KLHL8: variants seen among roughly 807,000 people sequenced by gnomAD.
KLHL8 encodes the protein kelch like family member 8.
In KLHL8, 38 loss-of-function variants were observed where a neutral mutation model predicts 63.5. That is an observed-to-expected ratio of 0.60 (90% CI 0.46 to 0.78). The LOEUF is 0.78. Ranked by LOEUF, KLHL8 falls within the 30% of genes least tolerant of loss-of-function variation. The pLI, the probability that KLHL8 is intolerant of heterozygous loss-of-function variation, is 0.00. For synonymous variants in KLHL8, 224 were observed against 254.3 expected, an observed-to-expected ratio of 0.88 and a Z score of 1.13; for missense variants, 566 against 752.4, an observed-to-expected ratio of 0.75 and a Z score of 2.90.
upstream of KLHL8, among the ~76,000 whole-genome samples, chr4:87,222,178 A>G (rs1440794634): frequency 1.3e-5 from 2 of 152,192 alleles, no homozygotes; most frequent in Non-Finnish European, 2.9e-5. Flanking sequence ...CTTAACTCAT[A>G]TTGGAGGAAG....
Position 87,195,529 on chromosome 4 carries a change from T to G in KLHL8, c.11A>C (p.Asp4Ala). MASDSMSSKQARNH... is the reference protein window; with the variant it reads MASASMSSKQARNH... Reference sequence around the variant, plus strand: ...CCTAGCTTGTTTACTACTCATAGAATCTGAAGCCATTTGCAATATTCCTCT... The same window carrying G: ...CCTAGCTTGTTTACTACTCATAGAAGCTGAAGCCATTTGCAATATTCCTCT... The change falls in exon 2 of 10, where the codon GAT (aspartate) becomes GCT (alanine). Residue 4 changes from aspartate to alanine, a missense_variant. Physicochemically the swap from Asp to Ala is moderately radical, Grantham distance 126. Transcript: ENST00000273963. 1 of 1,612,628 alleles carries G rather than the reference T, an allele frequency of 6.2e-7. No individual in the cohort carries two copies. Among genetic ancestry groups the G allele is most frequent in the African/African-American group, 1.3e-5 (1 of 74,980 alleles).
chr4:87,185,009 A>T (rs1731196479), intron 3 of KLHL8, among the ~76,000 whole-genome samples: 1 of 152,250 alleles, frequency 6.6e-6, no homozygotes, highest in African/African-American at 2.4e-5. Flanking sequence ...GGAATATTTT[A>T]AATATTCAGG....
rs567992457 is a variant in KLHL8, at chr4:87,235,120, G to A, written n.57+5138C>T. On this transcript the variant is annotated intron_variant and non_coding_transcript_variant, in intron 1 of 1. Coordinates refer to the KLHL8 transcript ENST00000506274. ...ATAAATATATTTTATTTATAGTGTA[G>A]CCTGACTGTACAGTGTTTGTAAAGT... 3.1e-4 allele frequency among the ~76,000 whole-genome samples: 47 copies of A among 152,212 alleles called. 1 individual carries two copies. In the East Asian group the frequency reaches 8.5e-3, roughly 27 times the overall value.
chr4:87,186,996 CTCA>C (rs1731286742), intron 2 of KLHL8, among the ~76,000 whole-genome samples: 1 of 151,312 alleles, frequency 6.6e-6, no homozygotes, highest in Admixed American at 6.6e-5. Context: ...ACACTGCAAT[CTCA>C]TCACCTTAAT....
At position 87,172,096 on chromosome 4, in the gene KLHL8, C is replaced by T. The variant is rs373660420; in HGVS notation, c.1209-1481G>A. On this transcript the variant is annotated intron_variant, in intron 6 of 9. Transcript: ENST00000273963. ...TATGGCAAAAGGGAGGTGACCTTGGCGGGCCTAATCTAATCAAACAAACCT... is the reference window on the plus strand; with the variant it reads ...TATGGCAAAAGGGAGGTGACCTTGGTGGGCCTAATCTAATCAAACAAACCT... 1.2e-4 allele frequency among the ~76,000 whole-genome samples: 19 copies of T among 152,188 alleles called. No homozygotes were observed. In the South Asian group the frequency reaches 1.9e-3, roughly 15 times the overall value.
intron 1 of KLHL8, among the ~76,000 whole-genome samples, chr4:87,209,269 A>G (rs1732289100): frequency 6.6e-6 from 1 of 152,198 alleles, no homozygotes; most frequent in South Asian, 2.1e-4. Flanking sequence ...TAAAAGATTA[A>G]AAGCACAAAA....
intron 1 of KLHL8, among the ~76,000 whole-genome samples, chr4:87,237,598 C>G (rs925779569): frequency 6.6e-6 from 1 of 152,128 alleles, no homozygotes; most frequent in South Asian, 2.1e-4. Flanking sequence ...GGAGGCCAAA[C>G]AGGCAGATTG....
At chr4:87,231,893 C>A (rs1467640861) in intron 1 of KLHL8, among the ~76,000 whole-genome samples, 1 of 152,182 alleles carries the variant, frequency 6.6e-6, no homozygotes, top group Non-Finnish European at 1.5e-5. Context: ...CCACCATGCC[C>A]GGTTGATTGT....
intron 1 of KLHL8, among the ~76,000 whole-genome samples, chr4:87,228,558 A>T (rs889402346): frequency 7.2e-5 from 11 of 152,228 alleles, no homozygotes; most frequent in African/African-American, 2.7e-4. Flanking sequence ...TTGCACTGGA[A>T]CAAACATGGC....
upstream of KLHL8, among the ~76,000 whole-genome samples, chr4:87,223,831 C>T (rs10015288): frequency 0.25 from 38,484 of 152,008 alleles, 5,408 homozygotes; most frequent in Non-Finnish European, 0.31. Flanking sequence ...ACAAAACACA[C>T]ATTTCCTAAA....
At chr4:87,207,612 T>A (rs539833734) in intron 1 of KLHL8, 1 of 1,228,118 alleles carries the variant, frequency 8.1e-7, no homozygotes, top group Non-Finnish European at 1.2e-6. Context: ...GACTCATGAC[T>A]ACAGTCCATG....
intron 1 of KLHL8, among the ~76,000 whole-genome samples, chr4:87,233,243 A>G (rs1281343704): frequency 1.3e-5 from 2 of 152,052 alleles, no homozygotes; most frequent in Non-Finnish European, 1.5e-5. Flanking sequence ...GGGTTTTACC[A>G]TGTTGCCCAG....
At chr4:87,167,466 A>C (rs557484352) in intron 8 of KLHL8, 66 of 509,638 alleles carry the variant, frequency 1.3e-4, no homozygotes, top group South Asian at 9.7e-4. Context: ...CCATCAAGCC[A>C]ATTTTCATAA....
intron 1 of KLHL8, among the ~76,000 whole-genome samples, chr4:87,231,914 T>A (rs1025285622): frequency 1.0e-3 from 153 of 152,318 alleles, no homozygotes; most frequent in African/African-American, 3.5e-3. Flanking sequence ...CCACTTTTAT[T>A]GTTCACACTA....
At chr4:87,228,149 G>A (rs995054386) in intron 1 of KLHL8, among the ~76,000 whole-genome samples, 20 of 152,228 alleles carry the variant, frequency 1.3e-4, no homozygotes, top group Admixed American at 1.1e-3. Context: ...TCTGCGTGTG[G>A]GACCCTCTCA....
chr4:87,180,862 G>T (rs1477702580), intron 4 of KLHL8, among the ~76,000 whole-genome samples: 1 of 151,958 alleles, frequency 6.6e-6, no homozygotes, highest in Non-Finnish European at 1.5e-5. Flanking sequence ...GGGCAATATA[G>T]TGAGACCCAA....
chr4:87,214,457 T>TATATAA (rs1560716517), intron 1 of KLHL8, among the ~76,000 whole-genome samples: 8 of 121,202 alleles, frequency 6.6e-5, no homozygotes, highest in Non-Finnish European at 1.2e-4. Context: ...TATATATATA[T>TATATAA]ATAATTGTCA....
chr4:87,215,703 T>C (rs1578402634), intron 1 of KLHL8, among the ~76,000 whole-genome samples: 3 of 152,314 alleles, frequency 2.0e-5, no homozygotes, highest in South Asian at 4.1e-4. Context: ...ACGCTTATTC[T>C]TATAAGAATA....
In KLHL8 at chr4:87,163,500, T is replaced by C. The variant is rs762202041; in HGVS notation, c.*19A>G. 6.2e-7 allele frequency: 1 copy of C among 1,613,392 alleles called. No individual in the cohort carries two copies. Among genetic ancestry groups the C allele is most frequent in the Non-Finnish European group, 8.5e-7 (1 of 1,179,756 alleles). ...GTACCTATCAGATATGACTAAATTG[T>C]TGGTGGCCAGAACTCAAATCACATA... On this transcript the variant is annotated 3_prime_UTR_variant, in exon 10 of 10. Coordinates refer to ENST00000273963, the MANE Select transcript of KLHL8 (RefSeq NM_020803.5).
Sources: gnomAD v4.1 joint callset for allele counts (sites outside exome capture counted in the v4.1 genomes callset) on GRCh38, gnomAD v4.1.1 for gene constraint, MANE v1.5 for transcripts, NCBI Gene and HGNC (gene_info 2026-07-23, HGNC 2026-07-21) for gene names.